DCTD: variants seen among roughly 807,000 people sequenced by gnomAD.
DCTD encodes deoxycytidylate deaminase.
A neutral mutation model predicts 21.0 loss-of-function variants in DCTD; 23 were observed. The ratio of observed to expected loss-of-function variants is 1.09; its 90% confidence interval spans 0.79 to 1.55. The LOEUF (loss-of-function observed/expected upper bound fraction) is 1.55. Among genes scored for constraint, DCTD ranks in the 40% most tolerant of loss-of-function variants. The pLI, the probability that DCTD is intolerant of heterozygous loss-of-function variation, is 0.00. For missense variants in DCTD, 224 were observed against 230.0 expected (o/e 0.97, Z 0.17); for synonymous variants, 71 against 81.1 (o/e 0.88, Z 0.67).
intron 3 of DCTD, 97 bp from the exon 4 acceptor site, chr4:182,894,702 T>C: frequency 2.6e-6 from 2 of 779,420 alleles, no homozygotes; most frequent in East Asian, 2.4e-5. Context: ...TGAAATAACA[T>C]ATAACAGACT....
chr4:182,901,226 G>C (rs555546534), intron 3 of DCTD, among the ~76,000 whole-genome samples: 1 of 152,310 alleles, frequency 6.6e-6, no homozygotes, highest in East Asian at 1.9e-4. Context: ...TAATTTAGCA[G>C]TGATAGTGTT....
chr4:182,914,893 A>T (rs747707406), intron 3 of DCTD, 30 bp downstream of exon 3: 3 of 1,613,700 alleles, frequency 1.9e-6, no homozygotes, highest in Non-Finnish European at 2.5e-6. Context: ...CTATGTCACT[A>T]AGCAGAATGG....
intron 3 of DCTD, among the ~76,000 whole-genome samples, chr4:182,908,511 A>G (rs1579750117): frequency 6.6e-6 from 1 of 151,918 alleles, no homozygotes; most frequent in Admixed American, 6.6e-5. Context: ...GTGAAACCCC[A>G]TCTCTACTAA....
chr4:182,899,406 T>C lies in DCTD; in HGVS notation c.245-4801A>G, dbSNP rs548641255. On this transcript the variant is annotated intron_variant, in intron 3 of 5. Transcript: ENST00000438320. ...GTCACTGCCCTTTTTTTTCTTTTTCTTTTTTTTTTAGATGGAGTTTTGCTC... is the reference window on the plus strand; with the variant it reads ...GTCACTGCCCTTTTTTTTCTTTTTCCTTTTTTTTTAGATGGAGTTTTGCTC... Among the ~76,000 whole-genome samples, 261 of 139,554 alleles carry C rather than the reference T, an allele frequency of 1.9e-3. 3 individuals are homozygous for C. Among genetic ancestry groups the C allele is most frequent in the African/African-American group, 8.1e-3 (258 of 32,030 alleles). The allele number at this position is 139,554 out of a possible 152,430, so 91.6% of individuals were successfully genotyped here. A position where few individuals can be genotyped will look rare whatever the true frequency, so the allele number is the denominator to read the frequency against.
Position 182,890,137 on chromosome 4 carries a change from G to T in DCTD, c.*1262C>A, listed in dbSNP as rs972057060. ...AATAAGATTTTAATAATATTGGTAA[G>T]GAGCCAAATTACAGAATACCCTAGA... On this transcript the variant is annotated 3_prime_UTR_variant, in exon 6 of 6. Coordinates refer to ENST00000438320, the MANE Select transcript of DCTD (RefSeq NM_001921.3). 1.3e-5 allele frequency: 2 copies of T among 152,070 alleles called. No homozygotes were observed. Among genetic ancestry groups the T allele is most frequent in the African/African-American group, 4.8e-5 (2 of 41,414 alleles). 9.4% of individuals were successfully genotyped at this position (152,070 alleles called of 1,614,324 possible). A position where few individuals can be genotyped will look rare whatever the true frequency, so the allele number is the denominator to read the frequency against.
intron 3 of DCTD, among the ~76,000 whole-genome samples, chr4:182,905,391 C>T (rs1048787608): frequency 4.7e-5 from 7 of 148,560 alleles, no homozygotes; most frequent in East Asian, 2.0e-4. Context: ...TGCAATGGCG[C>T]GATCTCGGCT....
At chr4:182,914,268 A>G (rs1038966171) in intron 3 of DCTD, among the ~76,000 whole-genome samples, 3 of 152,170 alleles carry the variant, frequency 2.0e-5, no homozygotes, top group African/African-American at 2.4e-5. Flanking sequence ...TCCACCTCCC[A>G]AAGTGTTGGG....
intron 3 of DCTD, among the ~76,000 whole-genome samples, chr4:182,901,118 T>C (rs910884227): frequency 3.3e-5 from 5 of 152,244 alleles, no homozygotes; most frequent in Admixed American, 6.5e-5. Flanking sequence ...ATAAGACTGA[T>C]ACAATATCTA....
At chr4:182,893,992 G>A (rs1021765395) in intron 4 of DCTD, among the ~76,000 whole-genome samples, 1 of 152,250 alleles carries the variant, frequency 6.6e-6, no homozygotes, top group Non-Finnish European at 1.5e-5. Flanking sequence ...CAATGGTGTA[G>A]ATTTATGGGA....
At chr4:182,904,755 C>T (rs1241593815) in intron 3 of DCTD, among the ~76,000 whole-genome samples, 2 of 142,424 alleles carry the variant, frequency 1.4e-5, no homozygotes, top group African/African-American at 2.4e-5. Flanking sequence ...AACCGATGAC[C>T]CTGCTTCCTC....
chr4:182,914,946 T>G lies in DCTD; in HGVS notation c.221A>C (p.Lys74Thr), dbSNP rs771052913. The change falls in exon 3 of 6, where the codon AAG becomes ACG. Residue 74 changes from lysine to threonine, a missense_variant. By Grantham distance (78) the Lys-to-Thr change is moderately conservative. Coordinates refer to ENST00000438320, the MANE Select transcript of DCTD (RefSeq NM_001921.3). Reference sequence around the variant, plus strand: ...ACCGTACGGGTATTTGGTGTCCAGCTTATTCTCTGCTGTCCTTCTCCAAGG... The same window carrying G: ...ACCGTACGGGTATTTGGTGTCCAGCGTATTCTCTGCTGTCCTTCTCCAAGG... Reference protein sequence around the residue: ...VLPWRRTAENKLDTKYPYVCH... With the variant: ...VLPWRRTAENTLDTKYPYVCH... 1 of 1,614,208 alleles carries G rather than the reference T, an allele frequency of 6.2e-7. No individual in the cohort carries two copies. Among genetic ancestry groups the G allele is most frequent in the Non-Finnish European group, 8.5e-7 (1 of 1,180,030 alleles).
intron 4 of DCTD, among the ~76,000 whole-genome samples, chr4:182,893,379 T>C (rs531255669): frequency 2.6e-5 from 4 of 152,274 alleles, no homozygotes; most frequent in African/African-American, 4.8e-5. Context: ...ACATGTCAAG[T>C]AGTCAAGCCT....
chr4:182,905,811 C>A (rs1464892215), intron 3 of DCTD, among the ~76,000 whole-genome samples: 1 of 152,174 alleles, frequency 6.6e-6, no homozygotes, highest in Non-Finnish European at 1.5e-5. Context: ...CACCTGACCA[C>A]CCAACCCTTT....
intron 3 of DCTD, among the ~76,000 whole-genome samples, chr4:182,901,209 G>A (rs1316929891): frequency 6.6e-6 from 1 of 152,126 alleles, no homozygotes. Context: ...TCTAATTGCT[G>A]CCTAAATAAT....
chr4:182,907,327 G>A (rs1317697919), intron 3 of DCTD, among the ~76,000 whole-genome samples: 3 of 152,112 alleles, frequency 2.0e-5, no homozygotes, highest in Non-Finnish European at 2.9e-5. Flanking sequence ...CTGTAGAGAC[G>A]GGATTTCGCC....
At chr4:182,894,361 T>G in intron 4 of DCTD, 128 bp downstream of exon 4, 3 of 616,930 alleles carry the variant, frequency 4.9e-6, no homozygotes, top group Non-Finnish European at 8.8e-6. Context: ...GGGAAATATC[T>G]TGCAAAGCTG....
chr4:182,906,528 T>C (rs546488073), intron 3 of DCTD, among the ~76,000 whole-genome samples: 5 of 152,316 alleles, frequency 3.3e-5, no homozygotes, highest in African/African-American at 1.2e-4. Flanking sequence ...CAACGCATTA[T>C]AAAATAGAGT....
chr4:182,907,707 C>T (rs1377983772), intron 3 of DCTD, among the ~76,000 whole-genome samples: 4 of 152,150 alleles, frequency 2.6e-5, no homozygotes, highest in Admixed American at 6.5e-5. Context: ...CTGATTTGAC[C>T]GAGAACGCTT....
At chr4:182,915,367 TTGA>T in intron 2 of DCTD, 91 bp downstream of exon 2, 1 of 894,466 alleles carries the variant, frequency 1.1e-6, no homozygotes, top group Non-Finnish European at 1.9e-6. Context: ...CACTTTTAAG[TTGA>T]CAGGCGTCCA....
Sources: gnomAD v4.1 joint callset for allele counts (sites outside exome capture counted in the v4.1 genomes callset) on GRCh38, gnomAD v4.1.1 for gene constraint, MANE v1.5 for transcripts, NCBI Gene and HGNC (gene_info 2026-07-23, HGNC 2026-07-21) for gene names.